CHST12: variants seen among roughly 807,000 people sequenced by gnomAD.
CHST12 encodes the protein carbohydrate sulfotransferase 12.
CHST12 carries 23 observed loss-of-function variants against 27.9 expected under a neutral mutation model. The observed-to-expected ratio is 0.82, with a 90% CI of 0.59 to 1.17. The LOEUF (loss-of-function observed/expected upper bound fraction) is 1.17, where lower values mean the gene tolerates loss of function less well. Among genes scored for constraint, CHST12 ranks in the 50% most tolerant of loss-of-function variants. CHST12 has a pLI of 0.00. For missense variants in CHST12, 682 were observed against 603.0 expected (o/e 1.13, Z -1.37); for synonymous variants, 322 against 273.0 (o/e 1.18, Z -1.77).
Position 2,432,986 on chromosome 7 carries a change from A to T in CHST12, c.347A>T (p.Asp116Val). 6.2e-7 allele frequency: 1 copy of T among 1,610,204 alleles called. No individual in the cohort carries two copies. The highest frequency in any genetic ancestry group is 8.5e-7 in the Non-Finnish European group (1 of 1,178,596). ...WSPRDARRSPDQGRQQAERRS... is the reference protein window; with the variant it reads ...WSPRDARRSPVQGRQQAERRS... ...CCGCGCGACGCCCGGCGCAGCCCAG[A>T]CCAGGGCCGGCAGCAGGCGGAGCGG... The change falls in exon 2 of 2, where the codon GAC becomes GTC. Residue 116 changes from aspartate (D) to valine (V), a missense_variant. Asp to Val is a radical substitution (Grantham distance 152). Coordinates refer to ENST00000618655, the MANE Select transcript of CHST12 (RefSeq NM_018641.5).
Position 2,433,426 on chromosome 7 carries a change from A to G in CHST12, c.787A>G (p.Asn263Asp), listed in dbSNP as rs1415103402. 1 of 1,609,632 alleles carries G rather than the reference A, an allele frequency of 6.2e-7. No homozygotes were observed. The highest frequency in any genetic ancestry group is 1.7e-5 in the Admixed American group (1 of 60,014). ...CTTCCGCAGCAAGTTCGAGCTGGAGAACGAGGAGTTCTACCGCAAGTTCGC... is the reference window on the plus strand; with the variant it reads ...CTTCCGCAGCAAGTTCGAGCTGGAGGACGAGGAGTTCTACCGCAAGTTCGC... ...SAFRSKFELENEEFYRKFAVP... is the reference protein window; with the variant it reads ...SAFRSKFELEDEEFYRKFAVP... Residue 263 changes from asparagine (N) to aspartate (D), a missense_variant, in exon 2 of 2, where the codon AAC (asparagine) becomes GAC (aspartate). Asn to Asp is a conservative substitution (Grantham distance 23). Transcript: ENST00000618655. This position sits in a 1 kb window ranked among gnomAD's most constrained non-coding sequence, Gnocchi z 6.1.
Position 2,442,203 on chromosome 7 carries a change from T to C in CHST12, c.*8319T>C, listed in dbSNP as rs1416382328. On this transcript the variant is annotated 3_prime_UTR_variant, in exon 2 of 2. Transcript: ENST00000618655. Reference sequence around the variant, plus strand: ...ATGTCTTCAAGGTTCATTCATGTTGTAGTCAGGATCACCTTCCTTTTAAAG... The same window carrying C: ...ATGTCTTCAAGGTTCATTCATGTTGCAGTCAGGATCACCTTCCTTTTAAAG... 6.6e-6 allele frequency: 1 copy of C among 152,230 alleles called. No homozygotes were observed. Among genetic ancestry groups the C allele is most frequent in the Non-Finnish European group, 1.5e-5 (1 of 68,050 alleles). The allele number at this position is 152,230 out of a possible 1,614,324, so 9.4% of individuals were successfully genotyped here. A position where few individuals can be genotyped will look rare whatever the true frequency, so the allele number is the denominator to read the frequency against.
intron 1 of CHST12, among the ~76,000 whole-genome samples, chr7:2,410,740 C>T (rs560542226): frequency 6.6e-5 from 10 of 151,946 alleles, no homozygotes; most frequent in East Asian, 3.9e-4. Context: ...CTGCTGGGTG[C>T]GGTGGATGAA....
In CHST12 at chr7:2,436,388, A is replaced by T. The variant is rs2906179; in HGVS notation, c.*2504A>T. 0.19 allele frequency: 28,201 copies of T among 152,196 alleles called. 3,313 individuals carry two copies. Among genetic ancestry groups the T allele is most frequent in the African/African-American group, 0.34 (13,906 of 41,456 alleles). The allele number at this position is 152,196 out of a possible 1,614,324, so 9.4% of individuals were successfully genotyped here. On this transcript the variant is annotated 3_prime_UTR_variant, in exon 2 of 2. Coordinates refer to ENST00000618655, the MANE Select transcript of CHST12 (RefSeq NM_018641.5). ...ACAGTATTGGTCCTTTTGGGACTGA[A>T]GTACTTCACCTCATGCAATGTCCTC...
chr7:2,413,952 C>T (rs1781736788), intron 1 of CHST12, among the ~76,000 whole-genome samples: 1 of 152,014 alleles, frequency 6.6e-6, no homozygotes, highest in Non-Finnish European at 1.5e-5. Flanking sequence ...TGGTCTTGAA[C>T]TTCTGACCTC....
Position 2,437,756 on chromosome 7 carries a change from T to A in CHST12, c.*3872T>A, listed in dbSNP as rs2906177. The stretch of plus-strand genomic sequence containing the variant: ...CGCACACACACACACACACACACAC[T>A]CTCTCTCACACACACATCGGGATAT... On this transcript the variant is annotated 3_prime_UTR_variant, in exon 2 of 2. Transcript: ENST00000618655. 22,198 of 150,490 alleles carry A rather than the reference T, an allele frequency of 0.15. 1,832 individuals are homozygous for A. The highest frequency in any genetic ancestry group is 0.24 in the African/African-American group (9,895 of 40,588). 9.3% of individuals were successfully genotyped at this position (150,490 alleles called of 1,614,324 possible).
At chr7:2,408,095 C>T (rs1024982403) in intron 1 of CHST12, among the ~76,000 whole-genome samples, 1 of 151,720 alleles carries the variant, frequency 6.6e-6, no homozygotes, top group Non-Finnish European at 1.5e-5. Flanking sequence ...AGAGGCCAGG[C>T]GCTGTGGCTC....
chr7:2,415,261 G>T (rs764505684), intron 1 of CHST12, among the ~76,000 whole-genome samples: 4 of 151,906 alleles, frequency 2.6e-5, no homozygotes, highest in Non-Finnish European at 4.4e-5. Flanking sequence ...GGCTACTCAG[G>T]AGGCTAAGGC....
At chr7:2,408,597 G>A (rs771294998) in intron 1 of CHST12, among the ~76,000 whole-genome samples, 22 of 152,160 alleles carry the variant, frequency 1.4e-4, no homozygotes, top group East Asian at 9.6e-4. Context: ...GGCAGGAGAC[G>A]GGAGGGCCTT....
At position 2,405,191 on chromosome 7, in the gene CHST12, T is replaced by G. The variant is rs143495911; in HGVS notation, c.-78+1518T>G. 1.6e-3 allele frequency among the ~76,000 whole-genome samples: 237 copies of G among 152,278 alleles called. 5 individuals are homozygous for G. In the East Asian group the frequency reaches 0.043, roughly 28 times the overall value. On this transcript the variant is annotated intron_variant, in intron 1 of 1. Coordinates refer to ENST00000618655, the MANE Select transcript of CHST12 (RefSeq NM_018641.5). ...CGGGCGAGGTGGCTCGTGACTGTAATCCCAGCACTTTGGGAGGCAGAGGCG... is the reference window on the plus strand; with the variant it reads ...CGGGCGAGGTGGCTCGTGACTGTAAGCCCAGCACTTTGGGAGGCAGAGGCG...
rs1043106811 is a variant in CHST12 at position 2,444,389 on chromosome 7, C to G, written c.*10505C>G. On this transcript the variant is annotated 3_prime_UTR_variant, in exon 2 of 2. Coordinates refer to ENST00000618655, the MANE Select transcript of CHST12 (RefSeq NM_018641.5). The stretch of plus-strand genomic sequence containing the variant: ...GCTGAGGCATGAGATTCGCTTGAGC[C>G]TGGGAGGCAGAGGTTGCAGTGAGCT... 6.6e-6 allele frequency: 1 copy of G among 152,298 alleles called. No homozygotes were observed. Among genetic ancestry groups the G allele is most frequent in the Non-Finnish European group, 1.5e-5 (1 of 68,186 alleles). 9.4% of individuals were successfully genotyped at this position (152,298 alleles called of 1,614,324 possible).
chr7:2,417,315 C>T (rs975938004), intron 1 of CHST12, among the ~76,000 whole-genome samples: 1 of 150,920 alleles, frequency 6.6e-6, no homozygotes, highest in African/African-American at 2.4e-5. Context: ...ACCTCTGCTT[C>T]CTGGGTTCAA....
intron 1 of CHST12, among the ~76,000 whole-genome samples, chr7:2,419,703 G>A (rs573608608): frequency 1.1e-3 from 135 of 127,838 alleles, no homozygotes; most frequent in Non-Finnish European, 1.8e-3. Context: ...GCAAAACTCC[G>A]TCTCAAAAAA....
intron 1 of CHST12, among the ~76,000 whole-genome samples, chr7:2,406,940 G>A (rs934779645): frequency 6.6e-6 from 1 of 151,666 alleles, no homozygotes; most frequent in Non-Finnish European, 1.5e-5. Flanking sequence ...ACGCGGAGGT[G>A]AGCGAAAATA....
rs935720886 is a variant in CHST12 at position 2,434,057 on chromosome 7, C to T, written c.*173C>T. On this transcript the variant is annotated 3_prime_UTR_variant, in exon 2 of 2. Coordinates refer to ENST00000618655, the MANE Select transcript of CHST12 (RefSeq NM_018641.5). ...ATTAATATATTTCAGGTATTTAATACGAAATGTGGAAGGGAATGCTGGAGT... is the reference window on the plus strand; with the variant it reads ...ATTAATATATTTCAGGTATTTAATATGAAATGTGGAAGGGAATGCTGGAGT... 8 of 528,358 alleles carry T rather than the reference C, an allele frequency of 1.5e-5. No homozygotes were observed. Among genetic ancestry groups the T allele is most frequent in the Non-Finnish European group, 2.3e-5 (7 of 303,688 alleles). 32.7% of individuals were successfully genotyped at this position (528,358 alleles called of 1,614,324 possible).
At chr7:2,431,059 A>G (rs1483833245) in intron 1 of CHST12, among the ~76,000 whole-genome samples, 1 of 152,160 alleles carries the variant, frequency 6.6e-6, no homozygotes, top group African/African-American at 2.4e-5. Context: ...TTTCTGCCTC[A>G]TAGTTTTGTC....
chr7:2,418,830 C>A (rs1247721652), intron 1 of CHST12, among the ~76,000 whole-genome samples: 2 of 152,078 alleles, frequency 1.3e-5, no homozygotes, highest in Non-Finnish European at 2.9e-5. Context: ...GTGGTCTCAC[C>A]CTGTCACCCA....
intron 1 of CHST12, among the ~76,000 whole-genome samples, chr7:2,425,020 A>G (rs1473260265): frequency 1.3e-5 from 2 of 152,116 alleles, no homozygotes. Flanking sequence ...AGCCTGGCCA[A>G]CAGAGTGAAA....
rs577438892 is a variant in CHST12, at chr7:2,432,684, G to T, written c.45G>T (p.Ser15=). The T allele has an allele frequency of 3.7e-6, 6 of 1,613,192 alleles. No homozygotes were observed. In the South Asian group the frequency reaches 5.5e-5, roughly 15 times the overall value. The change falls in exon 2 of 2, where the codon TCG becomes TCT. Residue 15 remains serine, a synonymous_variant. Coordinates refer to ENST00000618655, the MANE Select transcript of CHST12 (RefSeq NM_018641.5). The part of the protein sequence containing the change: ...RLFRLWLVLG[S]VFMILLIIVY... ...TCCGGCTGTGGCTGGTGCTGGGGTC[G>T]GTGTTCATGATCCTGCTGATCATCG...
Sources: allele counts gnomAD v4.1 joint callset (sites outside exome capture counted in the v4.1 genomes callset), GRCh38; gene constraint gnomAD v4.1.1; non-coding constraint Gnocchi (gnomAD v3.1); transcripts MANE v1.5; gene names NCBI Gene and HGNC (gene_info 2026-07-23, HGNC 2026-07-21).